Variants in DAZL observed in about 807,000 individuals in gnomAD.
DAZL encodes deleted in azoospermia like, also known as deleted in azoospermia-like.
Under a neutral mutation model 45.0 loss-of-function variants are expected in DAZL, and 4 were observed. That is an observed-to-expected ratio of 0.09 (90% CI 0.04 to 0.20). The LOEUF (loss-of-function observed/expected upper bound fraction) is 0.20. Among genes scored for constraint, DAZL ranks in the 10% least tolerant of loss-of-function variants. DAZL has a pLI of 1.00. For synonymous variants in DAZL, 122 were observed against 112.4 expected, an observed-to-expected ratio of 1.09 and a Z score of -0.54; for missense variants, 326 against 351.3, an observed-to-expected ratio of 0.93 and a Z score of 0.58.
chr3:16,603,862 TAGA>T (rs1193799096), intron 1 of DAZL, among the ~76,000 whole-genome samples: 6 of 152,182 alleles, frequency 3.9e-5, no homozygotes, highest in Non-Finnish European at 5.9e-5. Context: ...AAAAATAATC[TAGA>T]AGGTCATACA....
Position 16,592,069 on chromosome 3 carries a change from G to T in DAZL, c.815C>A (p.Thr272Asn). 1.9e-6 allele frequency: 3 copies of T among 1,613,510 alleles called. No homozygotes were observed. Among genetic ancestry groups the T allele is most frequent in the Non-Finnish European group, 2.5e-6 (3 of 1,179,544 alleles). The change falls in exon 10 of 11, where the codon ACT becomes AAT. Residue 272 changes from threonine to asparagine, a missense_variant. This residue lies in a region of DAZL where 227 missense variants were observed against 216.6 expected (regional missense o/e 1.05). Coordinates refer to ENST00000399444, the MANE Select transcript of DAZL (RefSeq NM_001351.4). Reference protein sequence around the residue: ...PENRLRNSVVTQDDYFKDKRV... With the variant: ...PENRLRNSVVNQDDYFKDKRV... ...TCATACCTTGAAGTAGTCATCTTGA[G>T]TAACAACAGAGTTTCTCAGTCTGTT...
chr3:16,604,341 TG>T, intron 1 of DAZL: 1 of 1,119,194 alleles, frequency 8.9e-7, no homozygotes, highest in Non-Finnish European at 1.3e-6. Flanking sequence ...ATCTACCAAA[TG>T]GACATTTTGT....
intron 10 of DAZL, among the ~76,000 whole-genome samples, chr3:16,590,387 A>G (rs1469925897): frequency 1.0e-5 from 1 of 99,542 alleles, no homozygotes; most frequent in East Asian, 3.0e-4. Context: ...ATCCATTCAC[A>G]GATGAAAAAA....
intron 10 of DAZL, 68 bp downstream of exon 10, chr3:16,591,982 C>T (rs1428072311): frequency 2.0e-6 from 3 of 1,530,974 alleles, no homozygotes; most frequent in African/African-American, 2.7e-5. Flanking sequence ...ACATATACCA[C>T]AAGGAAAACA....
chr3:16,598,004 A>G (rs912512088), intron 3 of DAZL, 83 bp downstream of exon 3: 9 of 1,291,746 alleles, frequency 7.0e-6, no homozygotes, highest in Middle Eastern at 2.8e-4. Flanking sequence ...AATTTATGTT[A>G]AGTGTCAGAA....
intron 1 of DAZL, among the ~76,000 whole-genome samples, chr3:16,603,601 C>T (rs953978324): frequency 1.3e-5 from 2 of 152,178 alleles, no homozygotes; most frequent in Non-Finnish European, 2.9e-5. Context: ...CCCGCCTCAG[C>T]CTCCTAAAGA....
intron 7 of DAZL, 47 bp downstream of exon 7, chr3:16,595,267 C>A (rs368616887): frequency 2.8e-6 from 3 of 1,055,226 alleles, no homozygotes; most frequent in African/African-American, 3.2e-5. Flanking sequence ...AAGTTAAAGG[C>A]CTCAATAAAA....
rs776558208 is a variant in DAZL at position 16,597,045 on chromosome 3, T to C, written c.301A>G (p.Ile101Val). 1.2e-6 allele frequency: 2 copies of C among 1,611,616 alleles called. No homozygotes were observed. The highest frequency in any genetic ancestry group is 1.7e-6 in the Non-Finnish European group (2 of 1,179,458). The change falls in exon 5 of 11, where the codon ATA (isoleucine) becomes GTA (valine). Residue 101 changes from isoleucine (I) to valine (V), a missense_variant. Physicochemically the swap from Ile to Val is conservative, Grantham distance 29. This residue lies in a region of DAZL where 18 missense variants were observed against 45.0 expected (regional missense o/e 0.40). Coordinates refer to ENST00000399444, the MANE Select transcript of DAZL (RefSeq NM_001351.4). ...VDVQKIVESQ[I>V]NFHGKKLKLG... ...TTCAGCTTTTTACCATGGAAATTTA[T>C]CTGTGACTGAAAATAAAACAGTAAC...
At chr3:16,604,455 T>C (rs1007951547) in intron 1 of DAZL, 3 of 1,532,914 alleles carry the variant, frequency 2.0e-6, no homozygotes, top group Non-Finnish European at 2.6e-6. Flanking sequence ...GCGGCAAAGA[T>C]GGCGTCAGGC....
At chr3:16,596,684 T>A in intron 6 of DAZL, 66 bp downstream of exon 6, 1 of 1,552,484 alleles carries the variant, frequency 6.4e-7, no homozygotes, top group Non-Finnish European at 8.9e-7. Flanking sequence ...AGAAATTGGA[T>A]GTAATTCCAC....
In DAZL at chr3:16,588,596, G is replaced by A; in HGVS notation, c.*64C>T. On this transcript the variant is annotated 3_prime_UTR_variant, in exon 11 of 11. Transcript: ENST00000399444. ...CAAAATTCAGAATTTCTATAATAGT[G>A]GAAACCTTTTAGCTTAATATTCAAA... is the stretch of plus-strand genomic sequence containing the variant. The A allele has an allele frequency of 7.7e-7, 1 of 1,290,360 alleles. No homozygotes were observed. The highest frequency in any genetic ancestry group is 1.1e-6 in the Non-Finnish European group (1 of 885,816). The allele number at this position is 1,290,360 out of a possible 1,614,324, so 79.9% of individuals were successfully genotyped here.
At chr3:16,602,113 T>C (rs1044716688) in intron 1 of DAZL, among the ~76,000 whole-genome samples, 1 of 151,572 alleles carries the variant, frequency 6.6e-6, no homozygotes, top group African/African-American at 2.4e-5. Context: ...AGTAGATTCT[T>C]GGGGAGTTGG....
At chr3:16,591,371 C>T (rs1287881274) in intron 10 of DAZL, among the ~76,000 whole-genome samples, 3 of 152,100 alleles carry the variant, frequency 2.0e-5, no homozygotes, top group African/African-American at 7.2e-5. Flanking sequence ...TCCCTTCACA[C>T]TGTTCAGGTA....
intron 1 of DAZL, among the ~76,000 whole-genome samples, chr3:16,599,019 GTGAT>G (rs1426744621): frequency 2.0e-5 from 3 of 152,166 alleles, no homozygotes; most frequent in Non-Finnish European, 4.4e-5. Context: ...CCGACCTCAG[GTGAT>G]CCACCCGCCT....
intron 3 of DAZL, 152 bp from the exon 4 acceptor site, chr3:16,597,693 G>A (rs1694621792): frequency 7.8e-6 from 5 of 638,746 alleles, no homozygotes; most frequent in South Asian, 7.2e-5. Flanking sequence ...TACAAATACT[G>A]CTTTTTCTTC....
rs2347313 is a variant in DAZL, at chr3:16,592,573, A to G, written c.736-425T>C. Among the ~76,000 whole-genome samples, 105 of 14,862 alleles carry G rather than the reference A, an allele frequency of 7.1e-3. No homozygotes were observed. The South Asian group carries it at 0.097, about 14-fold the overall frequency. 9.8% of individuals were successfully genotyped at this position (14,862 alleles called of 152,430 possible). On this transcript the variant is annotated intron_variant, in intron 9 of 10. Coordinates refer to ENST00000399444, the MANE Select transcript of DAZL (RefSeq NM_001351.4). ...AACACAGCGAGACTCTGTCTTGGGG[A>G]AAAAAAAAAAAAAAGAAATTCATAA...
intron 10 of DAZL, among the ~76,000 whole-genome samples, chr3:16,591,739 C>A (rs1190640074): frequency 1.3e-5 from 2 of 152,144 alleles, no homozygotes; most frequent in South Asian, 4.1e-4. Context: ...CAGCCAAGAT[C>A]TGCTTTCTGT....
chr3:16,599,907 G>T (rs868116508), intron 1 of DAZL, among the ~76,000 whole-genome samples: 3 of 152,236 alleles, frequency 2.0e-5, no homozygotes, highest in Middle Eastern at 3.4e-3. Flanking sequence ...GCTTTGAGAA[G>T]GAAATGAGAT....
chr3:16,605,140 C>T (rs916561268), intron 1 of DAZL, 63 bp downstream of exon 1: 8 of 1,606,782 alleles, frequency 5.0e-6, no homozygotes, highest in East Asian at 2.2e-5. Context: ...CCTGCAGAGC[C>T]GAGTTTCACC....
Sources: allele counts gnomAD v4.1 joint callset (sites outside exome capture counted in the v4.1 genomes callset), GRCh38; gene constraint gnomAD v4.1.1; regional missense constraint gnomAD v4.1.1; transcripts MANE v1.5; gene names NCBI Gene and HGNC (gene_info 2026-07-23, HGNC 2026-07-21).